The following CWC27 variants were observed in gnomAD, a reference collection of about 807,000 sequenced individuals.
CWC27 encodes the protein CWC27 spliceosome associated cyclophilin.
In CWC27, 47 loss-of-function variants were observed where a neutral mutation model predicts 63.6. That is an observed-to-expected ratio of 0.74 (90% CI 0.58 to 0.94). The LOEUF (loss-of-function observed/expected upper bound fraction) is 0.94, where lower values mean the gene tolerates loss of function less well. Among genes scored for constraint, CWC27 ranks in the 40% least tolerant of loss-of-function variants. The pLI is 0.00. For synonymous variants in CWC27, 175 were observed against 179.8 expected (o/e 0.97, Z 0.22); for missense variants, 495 against 554.3 (o/e 0.89, Z 1.07).
chr5:64,947,262 A>C (rs894618455), intron 11 of CWC27, among the ~76,000 whole-genome samples: 2 of 152,060 alleles, frequency 1.3e-5, no homozygotes, highest in African/African-American at 4.8e-5. Context: ...GCTGTTACTA[A>C]CATAAAAGAT....
chr5:64,890,677 A>C (rs996293866), intron 11 of CWC27, among the ~76,000 whole-genome samples: 1 of 152,106 alleles, frequency 6.6e-6, no homozygotes, highest in Non-Finnish European at 1.5e-5. Context: ...CATTGGATGC[A>C]TCTCAGGCCA....
At chr5:64,818,394 GTTTAC>G (rs1028192573) in intron 10 of CWC27, among the ~76,000 whole-genome samples, 1 of 152,018 alleles carries the variant, frequency 6.6e-6, no homozygotes, top group African/African-American at 2.4e-5. Flanking sequence ...TTAGATAAGC[GTTTAC>G]TTTAGTTTTA....
chr5:64,956,195 T>TA (rs1025265895), intron 11 of CWC27, among the ~76,000 whole-genome samples: 15 of 152,106 alleles, frequency 9.9e-5, no homozygotes, highest in African/African-American at 3.6e-4. Context: ...ATATTAGAAA[T>TA]AAAAATTTTT....
At position 64,804,250 on chromosome 5, in the gene CWC27, G is replaced by C; in HGVS notation, c.802G>C (p.Glu268Gln). 1.2e-6 allele frequency: 2 copies of C among 1,610,928 alleles called. No individual in the cohort carries two copies. The highest frequency in any genetic ancestry group is 1.7e-6 in the Non-Finnish European group (2 of 1,178,478). Residue 268 changes from glutamate (E) to glutamine (Q), a missense_variant, in exon 10 of 14, where the codon GAG becomes CAG. Physicochemically the swap from Glu to Gln is conservative, Grantham distance 29. This residue lies in a region of CWC27 where 463 missense variants were observed against 498.1 expected (regional missense o/e 0.93). Coordinates refer to ENST00000381070, the MANE Select transcript of CWC27 (RefSeq NM_005869.4). The stretch of plus-strand genomic sequence containing the variant: ...ACAGGATGGAGAAGATGAAAGTGCA[G>C]AGCATGATGAATATATTGATGGTGA... ...LVDDGEDESA[E>Q]HDEYIDGDEK...
chr5:64,833,667 C>T (rs1745586936), intron 10 of CWC27, among the ~76,000 whole-genome samples: 1 of 151,672 alleles, frequency 6.6e-6, no homozygotes, highest in Non-Finnish European at 1.5e-5. Flanking sequence ...AACTCAGGGA[C>T]ATACTCAAAT....
chr5:64,824,328 T>G (rs949536017), intron 10 of CWC27, among the ~76,000 whole-genome samples: 4 of 152,202 alleles, frequency 2.6e-5, no homozygotes, highest in African/African-American at 9.6e-5. Context: ...TTTACAATAT[T>G]AGAACTTTGT....
chr5:64,885,695 TA>T, intron 11 of CWC27, 149 bp downstream of exon 11: 1 of 223,604 alleles, frequency 4.5e-6, no homozygotes. Flanking sequence ...CCTCTTGAGT[TA>T]GGGTGTGTGT....
chr5:64,921,451 G>C (rs1349527536), intron 11 of CWC27, among the ~76,000 whole-genome samples: 1 of 152,006 alleles, frequency 6.6e-6, no homozygotes, highest in Non-Finnish European at 1.5e-5. Flanking sequence ...ATTAAGACCA[G>C]TTGGTTAAGC....
intron 13 of CWC27, among the ~76,000 whole-genome samples, chr5:65,006,998 GAAA>G (rs1561187214): frequency 4.8e-4 from 71 of 149,128 alleles, no homozygotes; most frequent in African/African-American, 1.6e-3. Context: ...AAGAAAGAAA[GAAA>G]GAAAGAAAGA....
At chr5:64,846,087 C>A (rs185357384) in intron 10 of CWC27, among the ~76,000 whole-genome samples, 6 of 152,106 alleles carry the variant, frequency 3.9e-5, no homozygotes, top group African/African-American at 1.4e-4. Context: ...ATTGAAATGC[C>A]GGAGGAAAAC....
In CWC27 at chr5:64,782,048, T is replaced by C; in HGVS notation, c.252+15T>C. 8.5e-7 allele frequency: 1 copy of C among 1,179,800 alleles called. No homozygotes were observed. 73.1% of individuals were successfully genotyped at this position (1,179,800 alleles called of 1,614,324 possible). A position where few individuals can be genotyped will look rare whatever the true frequency, so the allele number is the denominator to read the frequency against. ...CGCCATTCAAAGTAAGACTGAATTA[T>C]TATTTTTATTATTATTTTTGTTGTT... On this transcript the variant is annotated intron_variant, in intron 3 of 13. Transcript: ENST00000381070.
chr5:64,954,650 C>CTATATATA (rs10645565), intron 11 of CWC27, among the ~76,000 whole-genome samples: 3 of 146,302 alleles, frequency 2.1e-5, no homozygotes, highest in Non-Finnish European at 4.5e-5. Flanking sequence ...ATAGAAAGCA[C>CTATATATA]TATATATATA....
chr5:64,992,095 A>C (rs1004639474), intron 13 of CWC27, among the ~76,000 whole-genome samples: 1 of 152,140 alleles, frequency 6.6e-6, no homozygotes, highest in African/African-American at 2.4e-5. Context: ...TTTTAAGCAA[A>C]TATTTGTATG....
intron 7 of CWC27, among the ~76,000 whole-genome samples, chr5:64,796,002 C>CGTGTGT (rs56699605): frequency 0.012 from 1,590 of 135,870 alleles, 17 homozygotes; most frequent in East Asian, 0.028. Context: ...AGAAATTGTG[C>CGTGTGT]GTGTGTGTGT....
intron 10 of CWC27, among the ~76,000 whole-genome samples, chr5:64,838,888 T>A (rs947131461): frequency 3.3e-5 from 5 of 152,218 alleles, no homozygotes; most frequent in South Asian, 2.1e-4. Context: ...TGTAGCCATA[T>A]CTGTCATATC....
Position 64,807,574 on chromosome 5 carries a change from T to G in CWC27, c.938+3188T>G, listed in dbSNP as rs1265902978. On this transcript the variant is annotated intron_variant, in intron 10 of 13. Coordinates refer to ENST00000381070, the MANE Select transcript of CWC27 (RefSeq NM_005869.4). ...TCCCTTGTCTCTTCCCTTTTTAAAA[T>G]GTACCAATCCCACTTTCTTTCCAGC... 7 of 1,508,594 alleles carry G rather than the reference T, an allele frequency of 4.6e-6. No individual in the cohort carries two copies. In the Admixed American group the frequency reaches 1.5e-4, roughly 32 times the overall value. The allele number at this position is 1,508,594 out of a possible 1,614,324, so 93.5% of individuals were successfully genotyped here.
chr5:64,928,090 G>A (rs548468211), intron 11 of CWC27, among the ~76,000 whole-genome samples: 5 of 151,970 alleles, frequency 3.3e-5, no homozygotes, highest in Admixed American at 2.0e-4. Context: ...GGGAGGCCAA[G>A]GTTGCAGTGA....
chr5:64,958,763 T>G (rs2112431574), intron 11 of CWC27, among the ~76,000 whole-genome samples: 1 of 152,252 alleles, frequency 6.6e-6, no homozygotes, highest in East Asian at 1.9e-4. Flanking sequence ...CTGTATTATT[T>G]TATTTTGAGA....
intron 11 of CWC27, among the ~76,000 whole-genome samples, chr5:64,965,686 C>T (rs937191450): frequency 6.6e-6 from 1 of 152,120 alleles, no homozygotes; most frequent in African/African-American, 2.4e-5. Flanking sequence ...ACTGGTTTTG[C>T]AATCGATTTT....
Sources: gnomAD v4.1 joint callset for allele counts (sites outside exome capture counted in the v4.1 genomes callset) on GRCh38, gnomAD v4.1.1 for gene constraint, gnomAD v4.1.1 regional missense constraint, MANE v1.5 for transcripts, NCBI Gene and HGNC (gene_info 2026-07-23, HGNC 2026-07-21) for gene names.